PCDHGA7: variants seen among roughly 807,000 people sequenced by gnomAD.
PCDHGA7 encodes protocadherin gamma subfamily A, 7, also known as protocadherin gamma-A7.
PCDHGA7 carries 44 observed loss-of-function variants against 58.3 expected under a neutral mutation model. That is an observed-to-expected ratio of 0.75 (90% CI 0.59 to 0.97). The LOEUF (loss-of-function observed/expected upper bound fraction) is 0.97. Among genes scored for constraint, PCDHGA7 ranks in the 50% least tolerant of loss-of-function variants. The pLI is 0.00. For synonymous variants in PCDHGA7, 516 were observed against 504.2 expected, an observed-to-expected ratio of 1.02 and a Z score of -0.31; for missense variants, 1,266 against 1,188.7, an observed-to-expected ratio of 1.06 and a Z score of -0.96.
intron 1 of PCDHGA7, among the ~76,000 whole-genome samples, chr5:141,448,581 T>A (rs570781751): frequency 2.0e-5 from 3 of 152,274 alleles, no homozygotes; most frequent in African/African-American, 7.2e-5. Context: ...CCATTTTTTT[T>A]ACAAAAAGAT....
At chr5:141,470,078 G>C (rs542998375) in intron 1 of PCDHGA7, among the ~76,000 whole-genome samples, 21 of 152,182 alleles carry the variant, frequency 1.4e-4, no homozygotes, top group Non-Finnish European at 2.9e-4. Context: ...GTAGTGATCT[G>C]AGATCATGCC....
chr5:141,502,098 G>T (rs1341016516), intron 2 of PCDHGA7, among the ~76,000 whole-genome samples: 2 of 152,108 alleles, frequency 1.3e-5, no homozygotes, highest in Non-Finnish European at 2.9e-5. Flanking sequence ...ACCTGGCCTT[G>T]ACCCTGCACC....
At chr5:141,388,471 T>C (rs758013989) in intron 1 of PCDHGA7, 1 of 1,613,844 alleles carries the variant, frequency 6.2e-7, no homozygotes, top group South Asian at 1.1e-5. Context: ...GAGATGGTAT[T>C]GAAGACACCT....
chr5:141,480,273 G>A (rs2099516030), intron 1 of PCDHGA7, among the ~76,000 whole-genome samples: 1 of 151,956 alleles, frequency 6.6e-6, no homozygotes, highest in Non-Finnish European at 1.5e-5. Flanking sequence ...TCATTAGCTG[G>A]GTGTGTTGGC....
intron 1 of PCDHGA7, chr5:141,423,413 C>T (rs757696505): frequency 2.5e-6 from 4 of 1,614,022 alleles, no homozygotes; most frequent in South Asian, 2.2e-5. Flanking sequence ...CTGCAGGCTT[C>T]TGAAGGCGGG....
At position 141,384,283 on chromosome 5, in the gene PCDHGA7, G is replaced by A. The variant is rs762515266; in HGVS notation, c.1384G>A (p.Ala462Thr). Reference sequence around the variant, plus strand: ...CCACTCATCCTACTCAGTCTACATCGCTGAGAACAACCCCAGAGGGGCCTC... The same window carrying A: ...CCACTCATCCTACTCAGTCTACATCACTGAGAACAACCCCAGAGGGGCCTC... ...FPHSSYSVYI[A>T]ENNPRGASIF... is the part of the protein sequence containing the mutation. The change falls in exon 1 of 4, where the codon GCT (alanine) becomes ACT (threonine). Residue 462 changes from alanine (A) to threonine (T), a missense_variant. Transcript: ENST00000518325. 1 of 1,613,762 alleles carries A rather than the reference G, an allele frequency of 6.2e-7. No individual in the cohort carries two copies.
intron 1 of PCDHGA7, chr5:141,478,470 G>A (rs753075137): frequency 1.2e-6 from 2 of 1,613,686 alleles, no homozygotes; most frequent in Non-Finnish European, 1.7e-6. Context: ...CTGGCCAGCC[G>A]CCAGAACACG....
intron 1 of PCDHGA7, chr5:141,441,837 G>A (rs952709777): frequency 2.8e-6 from 1 of 354,138 alleles, no homozygotes. Context: ...ATGGCTTCGC[G>A]CTCTTGGATA....
At chr5:141,472,884 G>A (rs1426207609) in intron 1 of PCDHGA7, among the ~76,000 whole-genome samples, 2 of 151,610 alleles carry the variant, frequency 1.3e-5, no homozygotes, top group African/African-American at 4.8e-5. Flanking sequence ...TACTCGGGAG[G>A]CTGAGGCAGG....
In PCDHGA7 at chr5:141,421,099, G is replaced by A. The variant is rs941392242; in HGVS notation, c.2424+35776G>A. ...GATACTCACAGATCCTGACACTGGA[G>A]ACTTAGAAGTATTTTCCTTCGCTTT... is the stretch of plus-strand genomic sequence containing the variant. On this transcript the variant is annotated intron_variant, in intron 1 of 3. Coordinates refer to ENST00000518325, the MANE Select transcript of PCDHGA7 (RefSeq NM_018920.4). 1.2e-5 allele frequency: 8 copies of A among 680,384 alleles called. No individual in the cohort carries two copies. In the Admixed American group the frequency reaches 1.2e-4, roughly 11 times the overall value. 42.1% of individuals were successfully genotyped at this position (680,384 alleles called of 1,614,324 possible).
At chr5:141,387,838 A>AG (rs2091116111) in intron 1 of PCDHGA7, 1 of 1,598,608 alleles carries the variant, frequency 6.3e-7, no homozygotes, top group African/African-American at 1.3e-5. Flanking sequence ...GGTTATTTGT[A>AG]ACCCGGCGTC....
At chr5:141,423,001 G>A in intron 1 of PCDHGA7, 2 of 1,614,230 alleles carry the variant, frequency 1.2e-6, no homozygotes, top group Non-Finnish European at 1.7e-6. Flanking sequence ...GGTGACCAAG[G>A]TGGTTGCGGT....
chr5:141,477,512 A>G lies in PCDHGA7; in HGVS notation c.2425-17295A>G. 1.9e-6 allele frequency: 3 copies of G among 1,614,156 alleles called. No homozygotes were observed. Among genetic ancestry groups the G allele is most frequent in the South Asian group, 2.2e-5 (2 of 91,072 alleles). ...TTCTCAATCTTCCTACGACGTTTAC[A>G]TTGAAGAAAACAACCTCCCCGGGGC... On this transcript the variant is annotated intron_variant, in intron 1 of 3. Transcript: ENST00000518325. This position sits in a 1 kb window ranked among gnomAD's most constrained non-coding sequence, Gnocchi z 4.9.
At chr5:141,399,434 T>C (rs937697147) in intron 1 of PCDHGA7, 1 of 1,614,008 alleles carries the variant, frequency 6.2e-7, no homozygotes. Flanking sequence ...AGCGTCATCC[T>C]ACATATCAGA....
At position 141,511,262 on chromosome 5, in the gene PCDHGA7, G is replaced by A; in HGVS notation, c.*89G>A. 1 of 1,556,036 alleles carries A rather than the reference G, an allele frequency of 6.4e-7. No individual in the cohort carries two copies. The highest frequency in any genetic ancestry group is 8.7e-7 in the Non-Finnish European group (1 of 1,150,444). On this transcript the variant is annotated 3_prime_UTR_variant, in exon 4 of 4. Transcript: ENST00000518325. ...TGCACCCAGGCCTCAGAGTTTCAGG[G>A]CTAACCCCCAGAATACTGGTAGGGG...
chr5:141,419,700 C>T, intron 1 of PCDHGA7: 2 of 1,612,974 alleles, frequency 1.2e-6, no homozygotes, highest in Non-Finnish European at 1.7e-6. Context: ...GCCAGTGAGC[C>T]CGGGCTCTTC....
At chr5:141,424,945 C>A (rs2096849463) in intron 1 of PCDHGA7, among the ~76,000 whole-genome samples, 1 of 152,186 alleles carries the variant, frequency 6.6e-6, no homozygotes, top group Admixed American at 6.5e-5. Flanking sequence ...TCTCACATCA[C>A]TTCTAGGTAT....
chr5:141,410,230 C>A (rs759582867), intron 1 of PCDHGA7: 2 of 1,614,006 alleles, frequency 1.2e-6, no homozygotes, highest in South Asian at 2.2e-5. Flanking sequence ...CAGACCTCAG[C>A]GACCGCCCTG....
chr5:141,460,983 G>A (rs12516231), intron 1 of PCDHGA7, among the ~76,000 whole-genome samples: 37,603 of 137,412 alleles, frequency 0.27, 5,103 homozygotes, highest in Admixed American at 0.34. Flanking sequence ...GTGTGTGTGT[G>A]TATATATATA....
Sources: allele counts gnomAD v4.1 joint callset (sites outside exome capture counted in the v4.1 genomes callset), GRCh38; gene constraint gnomAD v4.1.1; non-coding constraint Gnocchi (gnomAD v3.1); transcripts MANE v1.5; gene names NCBI Gene and HGNC (gene_info 2026-07-23, HGNC 2026-07-21).